The following RIMS1 variants were observed in gnomAD, a reference collection of about 807,000 sequenced individuals.
The protein encoded by RIMS1 is regulating synaptic membrane exocytosis protein 1.
A neutral mutation model predicts 214.1 loss-of-function variants in RIMS1; 83 were observed. That is an observed-to-expected ratio of 0.39 (90% CI 0.32 to 0.47). RIMS1 has a LOEUF of 0.47. Ranked by LOEUF, RIMS1 falls within the 20% of genes least tolerant of loss-of-function variation. RIMS1 has a pLI of 0.99. For synonymous variants in RIMS1, 793 were observed against 786.8 expected, an observed-to-expected ratio of 1.01 and a Z score of -0.13; for missense variants, 2,050 against 2,161.8, an observed-to-expected ratio of 0.95 and a Z score of 1.03.
At chr6:72,101,781 C>T (rs575863976) in intron 4 of RIMS1, among the ~76,000 whole-genome samples, 73 of 151,758 alleles carry the variant, frequency 4.8e-4, no homozygotes, top group African/African-American at 1.7e-3. Flanking sequence ...TTGTTAAGCC[C>T]GGCAAAATTA....
At chr6:72,317,819 G>C (rs574054149) in intron 28 of RIMS1, among the ~76,000 whole-genome samples, 1 of 152,188 alleles carries the variant, frequency 6.6e-6, no homozygotes, top group South Asian at 2.1e-4. Context: ...ATTCGATTTG[G>C]TATTTACTGA....
intron 1 of RIMS1, among the ~76,000 whole-genome samples, chr6:71,941,122 C>T (rs1785984972): frequency 6.6e-6 from 1 of 151,686 alleles, no homozygotes. Flanking sequence ...AGTTTTTTTT[C>T]ACCCGGGCAT....
intron 29 of RIMS1, among the ~76,000 whole-genome samples, chr6:72,340,928 T>C (rs2097060577): frequency 6.6e-6 from 1 of 152,152 alleles, no homozygotes; most frequent in South Asian, 2.1e-4. Context: ...TGGAATGTTC[T>C]TCCATTTGTT....
At chr6:72,131,920 G>A (rs551734507) in intron 4 of RIMS1, among the ~76,000 whole-genome samples, 18 of 152,256 alleles carry the variant, frequency 1.2e-4, no homozygotes, top group East Asian at 3.9e-4. Flanking sequence ...AAACAATTCA[G>A]TGATATTTCT....
At chr6:72,105,089 T>TA (rs1415945651) in intron 4 of RIMS1, among the ~76,000 whole-genome samples, 8 of 151,848 alleles carry the variant, frequency 5.3e-5, no homozygotes, top group South Asian at 4.2e-4. Flanking sequence ...TCTGGCTAAT[T>TA]AAAAAAAATT....
At chr6:71,957,677 A>G (rs1275574325) in intron 1 of RIMS1, among the ~76,000 whole-genome samples, 1 of 150,656 alleles carries the variant, frequency 6.6e-6, no homozygotes, top group Non-Finnish European at 1.5e-5. Context: ...ATGTGATAAT[A>G]TAATTAAAAT....
intron 29 of RIMS1, among the ~76,000 whole-genome samples, chr6:72,352,992 T>C (rs952217916): frequency 8.5e-5 from 12 of 141,520 alleles, no homozygotes; most frequent in South Asian, 2.4e-4. Context: ...TCTTTTTTTT[T>C]TTTTTTTTTT....
At chr6:71,915,613 C>G (rs1012692661) in intron 1 of RIMS1, among the ~76,000 whole-genome samples, 1 of 152,140 alleles carries the variant, frequency 6.6e-6, no homozygotes, top group African/African-American at 2.4e-5. Context: ...AGTCACTTAG[C>G]TGCTCTCTGA....
At chr6:72,271,282 A>ATATATATATATATATATAT (rs751448635) in intron 22 of RIMS1, among the ~76,000 whole-genome samples, 2 of 68,330 alleles carry the variant, frequency 2.9e-5, no homozygotes, top group Non-Finnish European at 5.7e-5. Context: ...AAAAAAAAAA[A>ATATATATATATATATATAT]AAAAATATAT....
At chr6:72,363,473 G>A (rs2097891667) in intron 29 of RIMS1, among the ~76,000 whole-genome samples, 1 of 152,202 alleles carries the variant, frequency 6.6e-6, no homozygotes, top group Non-Finnish European at 1.5e-5. Flanking sequence ...GGAGAATGGG[G>A]CTGGGGCAAG....
In RIMS1 at chr6:72,005,576, A is replaced by G. The variant is rs936238639; in HGVS notation, c.245+36513A>G. Reference sequence around the variant, plus strand: ...GAAAATTGTATTTGCTTTCCCTTAAATTCAGGCAAATAAATAGACTAAAAC... The same window carrying G: ...GAAAATTGTATTTGCTTTCCCTTAAGTTCAGGCAAATAAATAGACTAAAAC... On this transcript the variant is annotated intron_variant, in intron 2 of 33. Transcript: ENST00000521978. Among the ~76,000 whole-genome samples the G allele has an allele frequency of 2.0e-5, 3 of 152,324 alleles. No homozygotes were observed. The South Asian group carries it at 6.2e-4, about 32-fold the overall frequency.
At chr6:72,199,951 A>T (rs1270838836) in intron 6 of RIMS1, among the ~76,000 whole-genome samples, 4 of 152,158 alleles carry the variant, frequency 2.6e-5, no homozygotes, top group Non-Finnish European at 4.4e-5. Context: ...ATACTGTGGG[A>T]AGAAGGGATA....
chr6:72,173,746 T>G (rs1294410010), intron 4 of RIMS1, among the ~76,000 whole-genome samples: 2 of 152,176 alleles, frequency 1.3e-5, no homozygotes, highest in African/African-American at 4.8e-5. Flanking sequence ...AATAGTTTAG[T>G]GTTCCTTGAT....
chr6:71,914,725 A>C (rs1236238608), intron 1 of RIMS1, among the ~76,000 whole-genome samples: 2 of 152,182 alleles, frequency 1.3e-5, no homozygotes, highest in African/African-American at 2.4e-5. Flanking sequence ...AGGCTTTGAG[A>C]TCTATCTGAG....
At chr6:71,921,367 C>T (rs1779939516) in intron 1 of RIMS1, among the ~76,000 whole-genome samples, 1 of 152,230 alleles carries the variant, frequency 6.6e-6, no homozygotes, top group South Asian at 2.1e-4. Context: ...GATCCACCCG[C>T]CTTGGCCTCC....
chr6:72,115,435 C>G (rs931857780), intron 4 of RIMS1, among the ~76,000 whole-genome samples: 8 of 151,778 alleles, frequency 5.3e-5, no homozygotes, highest in African/African-American at 1.9e-4. Flanking sequence ...AATTTGTTAC[C>G]TATATTTGAG....
At chr6:72,160,759 T>C (rs1354305583) in intron 4 of RIMS1, among the ~76,000 whole-genome samples, 1 of 140,966 alleles carries the variant, frequency 7.1e-6, no homozygotes, top group Non-Finnish European at 1.6e-5. Flanking sequence ...GGTAAGTTTT[T>C]TGATGTGCTG....
At chr6:72,177,320 C>T (rs899856855) in intron 4 of RIMS1, among the ~76,000 whole-genome samples, 1 of 152,168 alleles carries the variant, frequency 6.6e-6, no homozygotes, top group South Asian at 2.1e-4. Context: ...GGCGGGATCT[C>T]AGCTCACTGA....
intron 28 of RIMS1, among the ~76,000 whole-genome samples, chr6:72,314,177 T>A (rs1313789681): frequency 6.6e-6 from 1 of 152,216 alleles, no homozygotes; most frequent in Non-Finnish European, 1.5e-5. Flanking sequence ...GTAGTGCTTT[T>A]GTATTCTTAA....
Sources: gnomAD v4.1 joint callset for allele counts (sites outside exome capture counted in the v4.1 genomes callset) on GRCh38, gnomAD v4.1.1 for gene constraint, MANE v1.5 for transcripts, NCBI Gene and HGNC (gene_info 2026-07-23, HGNC 2026-07-21) for gene names.